PRKD1: variants seen among roughly 807,000 people sequenced by gnomAD.
PRKD1 encodes protein kinase D1, also known as serine/threonine-protein kinase D1.
In PRKD1, 63 loss-of-function variants were observed where a neutral mutation model predicts 95.9. The ratio of observed to expected loss-of-function variants is 0.66; its 90% CI spans 0.54 to 0.81. The LOEUF is 0.81. PRKD1 is among the 30% of genes least tolerant of loss of function. The pLI, the probability that PRKD1 is intolerant of heterozygous loss-of-function variation, is 0.00. For synonymous variants in PRKD1, 425 were observed against 423.1 expected (o/e 1.00, Z -0.05); for missense variants, 1,048 against 1,165.3 (o/e 0.90, Z 1.47).
chr14:29,709,448 G>GC (rs1885240391), intron 2 of PRKD1, among the ~76,000 whole-genome samples: 1 of 152,136 alleles, frequency 6.6e-6, no homozygotes, highest in African/African-American at 2.4e-5. Context: ...GGTTTTTCAG[G>GC]ATTATAGCAT....
intron 1 of PRKD1, among the ~76,000 whole-genome samples, chr14:29,914,777 CTT>C (rs112898460): frequency 2.8e-5 from 4 of 144,250 alleles, no homozygotes; most frequent in Non-Finnish European, 1.5e-5. Flanking sequence ...CTTTTCTTTT[CTT>C]TTTTTTTTTT....
intron 2 of PRKD1, among the ~76,000 whole-genome samples, chr14:29,719,690 A>C (rs1885791182): frequency 6.6e-6 from 1 of 152,218 alleles, no homozygotes; most frequent in Admixed American, 6.5e-5. Flanking sequence ...GAAGGAAACA[A>C]ATTACTTACA....
chr14:29,775,108 T>C (rs535485646), intron 1 of PRKD1, among the ~76,000 whole-genome samples: 1 of 151,990 alleles, frequency 6.6e-6, no homozygotes, highest in Non-Finnish European at 1.5e-5. Context: ...CTTGTCTGAT[T>C]TATGAAAAAA....
rs192306010 is a variant in PRKD1 at position 29,681,162 on chromosome 14, T to A, written c.404-14954A>T. Among the ~76,000 whole-genome samples, 33 of 152,324 alleles carry A rather than the reference T, an allele frequency of 2.2e-4. No individual in the cohort carries two copies. In the East Asian group the frequency reaches 6.0e-3, roughly 28 times the overall value. ...GCTTGTGTTGTTTTAAGCCAGTAAG[T>A]TTCTCATCACTTGTAAAAGCAGCAA... On this transcript the variant is annotated intron_variant, in intron 2 of 17. Transcript: ENST00000331968.
intron 4 of PRKD1, among the ~76,000 whole-genome samples, chr14:29,656,751 T>G (rs1881867474): frequency 6.6e-6 from 1 of 152,198 alleles, no homozygotes; most frequent in Admixed American, 6.5e-5. Context: ...AAAATAATTG[T>G]GAGTCGCTAG....
At chr14:29,669,150 A>G (rs550098520) in intron 2 of PRKD1, among the ~76,000 whole-genome samples, 2 of 152,376 alleles carry the variant, frequency 1.3e-5, no homozygotes, top group East Asian at 3.9e-4. Flanking sequence ...AATGCTGGGA[A>G]AATAAGAAGC....
chr14:29,841,886 C>A (rs1566631158), intron 1 of PRKD1, among the ~76,000 whole-genome samples: 1 of 151,650 alleles, frequency 6.6e-6, no homozygotes. Flanking sequence ...CAGCTGTACC[C>A]CAAAAAAAAT....
chr14:29,871,434 G>A (rs1411002116), intron 1 of PRKD1, among the ~76,000 whole-genome samples: 2 of 152,174 alleles, frequency 1.3e-5, no homozygotes, highest in Non-Finnish European at 2.9e-5. Flanking sequence ...GCCAAAATGA[G>A]AGGCAGGAGA....
chr14:29,800,988 A>G (rs1478923048), intron 1 of PRKD1, among the ~76,000 whole-genome samples: 1 of 152,144 alleles, frequency 6.6e-6, no homozygotes, highest in East Asian at 1.9e-4. Flanking sequence ...TAAAAATGCT[A>G]GTGTAATATT....
chr14:29,640,964 A>C (rs1880721394), intron 4 of PRKD1, among the ~76,000 whole-genome samples: 1 of 152,224 alleles, frequency 6.6e-6, no homozygotes, highest in Non-Finnish European at 1.5e-5. Flanking sequence ...AATCTAGTAA[A>C]CTGAATATTT....
At chr14:29,845,096 A>G (rs1242203790) in intron 1 of PRKD1, among the ~76,000 whole-genome samples, 1 of 152,190 alleles carries the variant, frequency 6.6e-6, no homozygotes, top group Non-Finnish European at 1.5e-5. Context: ...TTAGGAAAGC[A>G]TCTAGTAGTC....
At chr14:29,903,999 C>G (rs1167232268) in intron 1 of PRKD1, among the ~76,000 whole-genome samples, 2 of 152,136 alleles carry the variant, frequency 1.3e-5, no homozygotes, top group South Asian at 2.1e-4. Flanking sequence ...CACACACACA[C>G]ACATATAACT....
At chr14:29,726,568 C>A (rs901337568) in intron 1 of PRKD1, among the ~76,000 whole-genome samples, 1 of 151,964 alleles carries the variant, frequency 6.6e-6, no homozygotes, top group Admixed American at 6.6e-5. Flanking sequence ...AAGCTACTGT[C>A]GGGGAGAAAT....
In PRKD1 at chr14:29,768,965, G is replaced by T. The variant is rs186633296; in HGVS notation, c.265-43291C>A. ...CCAAGTCAGGTCACTTGTGATCCCT[G>T]AACTTTACATTTCCTTCTGCCCACC... On this transcript the variant is annotated intron_variant, in intron 1 of 17. Transcript: ENST00000331968. 2.6e-4 allele frequency among the ~76,000 whole-genome samples: 40 copies of T among 152,220 alleles called. No homozygotes were observed. The East Asian group carries it at 6.8e-3, about 26-fold the overall frequency.
chr14:29,651,200 T>A (rs1253677850), intron 4 of PRKD1, among the ~76,000 whole-genome samples: 1 of 152,170 alleles, frequency 6.6e-6, no homozygotes, highest in Non-Finnish European at 1.5e-5. Flanking sequence ...TTCTCCTCTA[T>A]CTATCCCACA....
intron 1 of PRKD1, among the ~76,000 whole-genome samples, chr14:29,788,070 A>T (rs1406409685): frequency 6.6e-6 from 1 of 152,144 alleles, no homozygotes; most frequent in Non-Finnish European, 1.5e-5. Flanking sequence ...GCTTCCAGAT[A>T]TAGGACTACC....
At chr14:29,584,924 A>C (rs1311760284) in intron 16 of PRKD1, among the ~76,000 whole-genome samples, 1 of 152,100 alleles carries the variant, frequency 6.6e-6, no homozygotes, top group East Asian at 1.9e-4. Flanking sequence ...GACACAGTAC[A>C]TTTTCCCCCG....
At chr14:29,827,901 C>T (rs769595806) in intron 1 of PRKD1, among the ~76,000 whole-genome samples, 1 of 152,046 alleles carries the variant, frequency 6.6e-6, no homozygotes, top group Non-Finnish European at 1.5e-5. Flanking sequence ...ACACCTTCTC[C>T]TATCTTGATC....
At chr14:29,926,437 G>T (rs1305293020) in intron 1 of PRKD1, among the ~76,000 whole-genome samples, 3 of 152,076 alleles carry the variant, frequency 2.0e-5, no homozygotes, top group Non-Finnish European at 4.4e-5. Flanking sequence ...AATCCAAATT[G>T]CTACTGTAAA....
Sources: allele counts gnomAD v4.1 joint callset (sites outside exome capture counted in the v4.1 genomes callset), GRCh38; gene constraint gnomAD v4.1.1; transcripts MANE v1.5; gene names NCBI Gene and HGNC (gene_info 2026-07-23, HGNC 2026-07-21).